The following CCDC38 variants were observed in gnomAD, a reference collection of about 807,000 sequenced individuals.
CCDC38 encodes coiled-coil domain containing 38.
In CCDC38, 69 loss-of-function variants were observed where a neutral mutation model predicts 72.8. That is an observed-to-expected ratio of 0.95 (90% CI 0.78 to 1.16). The LOEUF (loss-of-function observed/expected upper bound fraction) is 1.16, where lower values mean the gene tolerates loss of function less well. Ranked by LOEUF, CCDC38 falls within the 50% of genes most tolerant of loss-of-function variation. CCDC38 has a pLI of 0.00. For missense variants in CCDC38, 626 were observed against 638.9 expected, an observed-to-expected ratio of 0.98 and a Z score of 0.22; for synonymous variants, 201 against 213.2, an observed-to-expected ratio of 0.94 and a Z score of 0.50.
chr12:95,871,189 C>A (rs901374258), intron 14 of CCDC38, among the ~76,000 whole-genome samples: 6 of 152,188 alleles, frequency 3.9e-5, no homozygotes, highest in African/African-American at 1.4e-4. Flanking sequence ...CAAACTAGGA[C>A]AGTAGGCCCT....
chr12:95,888,831 T>C (rs1317067104), intron 9 of CCDC38, among the ~76,000 whole-genome samples: 2 of 152,016 alleles, frequency 1.3e-5, no homozygotes, highest in Non-Finnish European at 2.9e-5. Context: ...CTATATATCA[T>C]TCGCCCCATT....
chr12:95,874,156 CG>C (rs1565941627), intron 13 of CCDC38, among the ~76,000 whole-genome samples: 2 of 152,142 alleles, frequency 1.3e-5, no homozygotes, highest in African/African-American at 4.8e-5. Flanking sequence ...AGTAACCCAT[CG>C]GATTGAAATA....
intron 13 of CCDC38, 43 bp from the exon 14 acceptor site, chr12:95,872,503 A>G: frequency 4.9e-6 from 6 of 1,229,604 alleles, no homozygotes; most frequent in African/African-American, 1.5e-5. Flanking sequence ...CACATTCCAC[A>G]TTCAATAAAT....
In CCDC38 at chr12:95,891,217, C is replaced by T. The variant is rs140908091; in HGVS notation, c.773-287G>A. 1.2e-4 allele frequency among the ~76,000 whole-genome samples: 18 copies of T among 152,372 alleles called. No individual in the cohort carries two copies. In the East Asian group the frequency reaches 1.7e-3, roughly 15 times the overall value. ...TGACTGGTAGGGCACTAGGACATCT[C>T]CATTTTCAACATCCATCTGTCGTAA... is the stretch of plus-strand genomic sequence containing the variant. On this transcript the variant is annotated intron_variant, in intron 8 of 15. Transcript: ENST00000344280.
In CCDC38 at chr12:95,879,643, C is replaced by G; in HGVS notation, c.1142+1G>C. On this transcript the variant is annotated splice_donor_variant, in intron 12 of 15. Transcript: ENST00000344280. LOFTEE classifies it high-confidence loss of function. The surrounding 1 kb of genome is among the most constrained non-coding windows in gnomAD (Gnocchi z 5.5). ...AAATCTACTTGTTTATAATGACTTACGTTTTATCCTGTATAACTTTTTCTC... is the reference window on the plus strand; with the variant it reads ...AAATCTACTTGTTTATAATGACTTAGGTTTTATCCTGTATAACTTTTTCTC... 1.9e-6 allele frequency: 3 copies of G among 1,572,162 alleles called. No individual in the cohort carries two copies. Among genetic ancestry groups the G allele is most frequent in the Non-Finnish European group, 2.6e-6 (3 of 1,149,630 alleles).
At chr12:95,926,013 G>T in intron 2 of CCDC38, among the ~76,000 whole-genome samples, 1 of 134,802 alleles carries the variant, frequency 7.4e-6, no homozygotes. Flanking sequence ...TTTTTTGGTT[G>T]TGTCTCTGCC....
At chr12:95,874,529 T>A (rs751998385) in intron 13 of CCDC38, among the ~76,000 whole-genome samples, 1 of 151,948 alleles carries the variant, frequency 6.6e-6, no homozygotes, top group Non-Finnish European at 1.5e-5. Context: ...AATTCACATA[T>A]GAAAAAGGGA....
chr12:95,925,350 T>C (rs1431354115), intron 2 of CCDC38, among the ~76,000 whole-genome samples: 1 of 152,198 alleles, frequency 6.6e-6, no homozygotes, highest in Non-Finnish European at 1.5e-5. Flanking sequence ...TTGTCTCTTA[T>C]TGGTGTATAA....
At chr12:95,932,046 C>T (rs2080343767) in intron 2 of CCDC38, among the ~76,000 whole-genome samples, 1 of 152,064 alleles carries the variant, frequency 6.6e-6, no homozygotes, top group East Asian at 1.9e-4. Flanking sequence ...AGGATAATTA[C>T]TTAGTATCTT....
intron 4 of CCDC38, among the ~76,000 whole-genome samples, chr12:95,909,282 A>G (rs11108330): frequency 0.091 from 13,884 of 152,220 alleles, 799 homozygotes; most frequent in Non-Finnish European, 0.12. Context: ...CTCTATGAAA[A>G]CAAACTGGAA....
intron 2 of CCDC38, among the ~76,000 whole-genome samples, chr12:95,922,703 T>G (rs2080222663): frequency 6.6e-6 from 1 of 152,124 alleles, no homozygotes; most frequent in Non-Finnish European, 1.5e-5. Context: ...GCACATACAA[T>G]TTTAGGCCTT....
At chr12:95,922,322 G>A (rs2080218047) in intron 2 of CCDC38, among the ~76,000 whole-genome samples, 1 of 152,168 alleles carries the variant, frequency 6.6e-6, no homozygotes, top group Non-Finnish European at 1.5e-5. Context: ...GAGACTGAAA[G>A]CAGTTTATAA....
At chr12:95,867,529 AG>A (rs2079534252) in intron 15 of CCDC38, among the ~76,000 whole-genome samples, 1 of 152,198 alleles carries the variant, frequency 6.6e-6, no homozygotes, top group African/African-American at 2.4e-5. Context: ...TTTCTCAGTA[AG>A]TGCCATAGCC....
At chr12:95,887,793 TAC>T (rs1335077101) in intron 10 of CCDC38, among the ~76,000 whole-genome samples, 32 of 152,236 alleles carry the variant, frequency 2.1e-4, no homozygotes, top group African/African-American at 7.7e-4. Context: ...CTTACAATTG[TAC>T]GTGAATCTAA....
At position 95,893,072 on chromosome 12, in the gene CCDC38, T is replaced by C. The variant is rs146388081; in HGVS notation, c.772+1917A>G. On this transcript the variant is annotated intron_variant, in intron 8 of 15. Transcript: ENST00000344280. ...GAACCTTTGGATCATTGTGCAAAGT[T>C]CTCCCCAACCAAGACCCAATTCTCT... is the stretch of plus-strand genomic sequence containing the variant. Among the ~76,000 whole-genome samples, 974 of 152,304 alleles carry C rather than the reference T, an allele frequency of 6.4e-3. 9 individuals carry two copies. The highest frequency in any genetic ancestry group is 0.023 in the African/African-American group (937 of 41,564).
chr12:95,871,339 A>G (rs1451639425), intron 14 of CCDC38, among the ~76,000 whole-genome samples: 2 of 152,212 alleles, frequency 1.3e-5, no homozygotes, highest in Non-Finnish European at 2.9e-5. Flanking sequence ...ATTAGGTATA[A>G]GTAGTTGAGA....
intron 2 of CCDC38, chr12:95,934,096 CA>C (rs1592809862): frequency 6.6e-6 from 1 of 151,946 alleles, no homozygotes; most frequent in East Asian, 1.9e-4. Context: ...ATATGATAGT[CA>C]ACAAGATATA....
chr12:95,930,250 G>C (rs1193376017), intron 2 of CCDC38, among the ~76,000 whole-genome samples: 1 of 152,116 alleles, frequency 6.6e-6, no homozygotes, highest in Non-Finnish European at 1.5e-5. Context: ...CATAGGACTA[G>C]GGCTGCTGTA....
chr12:95,923,114 A>ATCTCG, intron 2 of CCDC38, among the ~76,000 whole-genome samples: 1 of 152,084 alleles, frequency 6.6e-6, no homozygotes, highest in Non-Finnish European at 1.5e-5. Flanking sequence ...ATCTCATCTC[A>ATCTCG]TCTTCTCCTA....
Sources: gnomAD v4.1 joint callset for allele counts (sites outside exome capture counted in the v4.1 genomes callset) on GRCh38, gnomAD v4.1.1 for gene constraint, Gnocchi (gnomAD v3.1) non-coding constraint, MANE v1.5 for transcripts, NCBI Gene and HGNC (gene_info 2026-07-23, HGNC 2026-07-21) for gene names.